Variants in DENND2B observed in about 807,000 individuals in gnomAD.
DENND2B encodes the protein DENN domain-containing protein 2B.
DENND2B carries 32 observed loss-of-function variants against 116.0 expected under a neutral mutation model. The observed-to-expected ratio is 0.28, with a 90% CI of 0.21 to 0.37. The LOEUF is 0.37. Among genes scored for constraint, DENND2B ranks in the 10% least tolerant of loss-of-function variants. DENND2B has a pLI of 1.00. For missense variants in DENND2B, 1,276 were observed against 1,477.7 expected (o/e 0.86, Z 2.24); for synonymous variants, 588 against 583.9 (o/e 1.01, Z -0.10).
chr11:8,753,303 GAAAAT>G (rs2052896604), intron 1 of DENND2B, among the ~76,000 whole-genome samples: 1 of 152,018 alleles, frequency 6.6e-6, no homozygotes. Flanking sequence ...ATGAAATTAA[GAAAAT>G]AATTCTATTA....
At chr11:8,713,779 G>A (rs2044216898) in intron 8 of DENND2B, among the ~76,000 whole-genome samples, 1 of 152,206 alleles carries the variant, frequency 6.6e-6, no homozygotes, top group South Asian at 2.1e-4. Context: ...TTGGCAAAGG[G>A]AGACATCTGG....
intron 4 of DENND2B, among the ~76,000 whole-genome samples, chr11:8,836,413 C>CTT (rs67181023): frequency 0.2 from 15,614 of 77,134 alleles, 1,639 homozygotes; most frequent in East Asian, 0.26. Flanking sequence ...TTCTGTACTT[C>CTT]TTTTTTTTTT....
At chr11:8,744,865 A>C (rs887766400) in intron 2 of DENND2B, among the ~76,000 whole-genome samples, 1 of 152,066 alleles carries the variant, frequency 6.6e-6, no homozygotes, top group African/African-American at 2.4e-5. Flanking sequence ...ACAGTACTTA[A>C]GGAGCTGCAC....
At chr11:8,872,984 T>C (rs1397029273), upstream of DENND2B, among the ~76,000 whole-genome samples, 2 of 152,158 alleles carry the variant, frequency 1.3e-5, no homozygotes, top group African/African-American at 2.4e-5. Context: ...TCTCCAGTCT[T>C]TTCCAATCTC....
rs997906993 is a variant in DENND2B, at chr11:8,743,074, A to G, written c.80+7547T>C. On this transcript the variant is annotated intron_variant, in intron 2 of 19. Transcript: ENST00000313726. ...AGCGAAACTCCATCTCAGAAAAAGA[A>G]AAGAAGAGAAATGGCTTCCAGATTG... Among the ~76,000 whole-genome samples the G allele has an allele frequency of 2.6e-5, 4 of 151,684 alleles. 1 individual carries two copies. The highest frequency in any genetic ancestry group is 2.4e-5 in the African/African-American group (1 of 41,244).
intron 1 of DENND2B, among the ~76,000 whole-genome samples, chr11:8,768,465 T>C (rs1462154376): frequency 6.6e-6 from 1 of 152,034 alleles, no homozygotes; most frequent in Non-Finnish European, 1.5e-5. Context: ...CCCAGGCTGG[T>C]CTCAAACTCC....
chr11:8,767,528 T>C (rs973745984), intron 1 of DENND2B, among the ~76,000 whole-genome samples: 2 of 152,216 alleles, frequency 1.3e-5, no homozygotes, highest in African/African-American at 4.8e-5. Flanking sequence ...AGGACTGTGT[T>C]GTTCATCACA....
At chr11:8,717,917 A>AG in intron 4 of DENND2B, 25 bp from the exon 5 acceptor site, 1 of 1,598,438 alleles carries the variant, frequency 6.3e-7, no homozygotes, top group Non-Finnish European at 8.5e-7. Context: ...GAGTTAGAGA[A>AG]GGGGGAGAAG....
intron 2 of DENND2B, among the ~76,000 whole-genome samples, chr11:8,736,960 T>C (rs2133963737): frequency 6.6e-6 from 1 of 152,272 alleles, no homozygotes; most frequent in East Asian, 1.9e-4. Context: ...GGAGACTATT[T>C]AGAATGCCAC....
At chr11:8,836,946 G>C (rs2062452719) in intron 4 of DENND2B, among the ~76,000 whole-genome samples, 1 of 152,226 alleles carries the variant, frequency 6.6e-6, no homozygotes, top group South Asian at 2.1e-4. Context: ...GAACTCCTGG[G>C]ATCAAGTGAT....
intron 1 of DENND2B, chr11:8,785,393 C>T (rs1251852640): frequency 6.6e-6 from 1 of 152,244 alleles, no homozygotes; most frequent in East Asian, 1.9e-4. Flanking sequence ...TCTTCTGTGG[C>T]TGAAATTCCC....
At chr11:8,781,777 C>A (rs2058399289) in intron 1 of DENND2B, among the ~76,000 whole-genome samples, 1 of 151,826 alleles carries the variant, frequency 6.6e-6, no homozygotes, top group East Asian at 1.9e-4. Context: ...AAGACGAAAA[C>A]CCAACTGAAA....
intron 1 of DENND2B, among the ~76,000 whole-genome samples, chr11:8,795,802 C>A (rs2059764347): frequency 1.3e-5 from 2 of 152,208 alleles, no homozygotes; most frequent in African/African-American, 4.8e-5. Flanking sequence ...AAAGATCTGA[C>A]CTCAGCCAGT....
intron 1 of DENND2B, among the ~76,000 whole-genome samples, chr11:8,764,205 G>A (rs80163977): frequency 0.019 from 2,814 of 146,808 alleles, 85 homozygotes; most frequent in African/African-American, 0.066. Context: ...GGGCAATAGA[G>A]CGAGAATCAA....
At chr11:8,734,906 T>A (rs1420314754) in intron 2 of DENND2B, among the ~76,000 whole-genome samples, 1 of 150,260 alleles carries the variant, frequency 6.7e-6, no homozygotes, top group African/African-American at 2.4e-5. Context: ...CTTAGCTTGA[T>A]AATTACTCAT....
upstream of DENND2B, among the ~76,000 whole-genome samples, chr11:8,873,975 C>T (rs1215243008): frequency 6.6e-6 from 1 of 152,122 alleles, no homozygotes; most frequent in Admixed American, 6.5e-5. Context: ...AAATAGGAAG[C>T]GCTTGTAGGA....
intron 1 of DENND2B, among the ~76,000 whole-genome samples, chr11:8,782,046 C>T (rs1362942544): frequency 6.6e-6 from 1 of 152,168 alleles, no homozygotes; most frequent in African/African-American, 2.4e-5. Context: ...TCATACTCCC[C>T]ACCACATCAC....
At chr11:8,841,047 T>C (rs1017578189) in intron 3 of DENND2B, among the ~76,000 whole-genome samples, 2 of 152,184 alleles carry the variant, frequency 1.3e-5, no homozygotes, top group African/African-American at 4.8e-5. Flanking sequence ...AAATAAAAAT[T>C]CCCAAACTGA....
chr11:8,773,005 T>G (rs2057156897), intron 1 of DENND2B, among the ~76,000 whole-genome samples: 1 of 152,130 alleles, frequency 6.6e-6, no homozygotes, highest in South Asian at 2.1e-4. Context: ...GAGCCCTGAG[T>G]TTTAGTGCCA....
Sources: gnomAD v4.1 joint callset for allele counts (sites outside exome capture counted in the v4.1 genomes callset) on GRCh38, gnomAD v4.1.1 for gene constraint, MANE v1.5 for transcripts, NCBI Gene and HGNC (gene_info 2026-07-23, HGNC 2026-07-21) for gene names.